The following EPHA5 variants were observed in gnomAD, a reference collection of about 807,000 sequenced individuals.
The protein encoded by EPHA5 is ephrin type-A receptor 5.
EPHA5 carries 60 observed loss-of-function variants against 105.0 expected under a neutral mutation model. The ratio of observed to expected loss-of-function variants is 0.57; its 90% CI spans 0.46 to 0.71. The LOEUF is 0.71. EPHA5 is among the 30% of genes least tolerant of loss of function. The pLI is 0.00. For missense variants in EPHA5, 1,218 were observed against 1,274.7 expected (o/e 0.96, Z 0.68); for synonymous variants, 513 against 449.1 (o/e 1.14, Z -1.80).
chr4:65,503,229 T>C (rs879827147), intron 3 of EPHA5, among the ~76,000 whole-genome samples: 3 of 151,740 alleles, frequency 2.0e-5, no homozygotes, highest in African/African-American at 7.3e-5. Flanking sequence ...ACGTAATATA[T>C]CCGTGTACCA....
At chr4:65,552,883 T>C (rs1738060359) in intron 3 of EPHA5, among the ~76,000 whole-genome samples, 1 of 152,114 alleles carries the variant, frequency 6.6e-6, no homozygotes, top group African/African-American at 2.4e-5. Context: ...ATAAGCAATA[T>C]GACATCAATA....
rs1731844326 is a variant in EPHA5 at position 65,495,543 on chromosome 4, A to G, written c.911T>C (p.Val304Ala). 3.1e-6 allele frequency: 5 copies of G among 1,607,044 alleles called. No individual in the cohort carries two copies. The highest frequency in any genetic ancestry group is 4.2e-6 in the Non-Finnish European group (5 of 1,177,340). ...GGCTTTGAAGAACCCAGGTCTGCAC[A>G]CTGTCAAAAGAAATAAGAGACTAAG... is the stretch of plus-strand genomic sequence containing the variant. Reference protein sequence around the residue: ...GYEEKNGTCQVCRPGFFKASP... With the variant: ...GYEEKNGTCQACRPGFFKASP... Residue 304 changes from valine (V) to alanine (A), a missense_variant and splice_region_variant, in exon 4 of 17, where the codon GTG becomes GCG. Physicochemically the swap from Val to Ala is moderately conservative, Grantham distance 64 (BLOSUM62 0). Transcript: ENST00000613740.
At chr4:65,624,977 A>G (rs559799883) in intron 2 of EPHA5, among the ~76,000 whole-genome samples, 124 of 152,322 alleles carry the variant, frequency 8.1e-4, no homozygotes, top group African/African-American at 2.8e-3. Context: ...AAATGTATTA[A>G]AAATAAAACA....
intron 3 of EPHA5, among the ~76,000 whole-genome samples, chr4:65,517,881 A>G (rs1472143045): frequency 6.6e-6 from 1 of 152,028 alleles, no homozygotes. Flanking sequence ...TATATAATTT[A>G]TAAACAGCAT....
At chr4:65,330,106 C>G (rs902617457) in intron 16 of EPHA5, among the ~76,000 whole-genome samples, 1 of 151,284 alleles carries the variant, frequency 6.6e-6, no homozygotes, top group Non-Finnish European at 1.5e-5. Flanking sequence ...GGAGCAGTTA[C>G]TATAGACAGA....
At chr4:65,450,829 A>G (rs1726991492) in intron 5 of EPHA5, among the ~76,000 whole-genome samples, 1 of 152,136 alleles carries the variant, frequency 6.6e-6, no homozygotes, top group Admixed American at 6.5e-5. Context: ...GAACCTCAAA[A>G]TAATTGTGGC....
chr4:65,480,083 C>G (rs920167915), intron 5 of EPHA5, among the ~76,000 whole-genome samples: 1 of 150,904 alleles, frequency 6.6e-6, no homozygotes, highest in Non-Finnish European at 1.5e-5. Context: ...ACAAAAAACA[C>G]AAGAATACAG....
At chr4:65,501,202 A>T (rs2149241182) in intron 3 of EPHA5, among the ~76,000 whole-genome samples, 1 of 151,706 alleles carries the variant, frequency 6.6e-6, no homozygotes, top group Non-Finnish European at 1.5e-5. Flanking sequence ...TGCTTATACC[A>T]AAATTTAACA....
chr4:65,596,399 C>T (rs1743189537), intron 3 of EPHA5, among the ~76,000 whole-genome samples: 2 of 151,914 alleles, frequency 1.3e-5, no homozygotes, highest in Non-Finnish European at 2.9e-5. Flanking sequence ...ATCCCCCTTC[C>T]CACCAACAAT....
intron 2 of EPHA5, among the ~76,000 whole-genome samples, chr4:65,621,700 C>T (rs1051024218): frequency 1.3e-5 from 2 of 152,020 alleles, no homozygotes; most frequent in Non-Finnish European, 2.9e-5. Context: ...GACAAAGACA[C>T]GAGTCCAAAT....
chr4:65,391,203 G>A (rs895097180), intron 8 of EPHA5, among the ~76,000 whole-genome samples: 1 of 151,964 alleles, frequency 6.6e-6, no homozygotes, highest in Non-Finnish European at 1.5e-5. Context: ...TGATTATGGG[G>A]ATTATAATTC....
intron 2 of EPHA5, among the ~76,000 whole-genome samples, chr4:65,617,047 G>A (rs1745304154): frequency 6.6e-6 from 1 of 151,900 alleles, no homozygotes; most frequent in Admixed American, 6.6e-5. Flanking sequence ...TTGTATTGTG[G>A]GATAACTCTT....
intron 11 of EPHA5, among the ~76,000 whole-genome samples, chr4:65,359,208 G>A (rs918474119): frequency 1.3e-5 from 2 of 151,436 alleles, no homozygotes; most frequent in African/African-American, 4.8e-5. Context: ...TAGTGTACGT[G>A]TATTTATTAA....
intron 3 of EPHA5, among the ~76,000 whole-genome samples, chr4:65,543,799 T>A (rs930630048): frequency 6.6e-6 from 1 of 151,674 alleles, no homozygotes; most frequent in Non-Finnish European, 1.5e-5. Flanking sequence ...AAGCCAGCGA[T>A]ATCACACTAC....
chr4:65,440,624 A>C (rs1196187082), intron 5 of EPHA5, among the ~76,000 whole-genome samples: 1 of 151,918 alleles, frequency 6.6e-6, no homozygotes, highest in East Asian at 1.9e-4. Context: ...TAAATAAGCT[A>C]ATTTTTTTGT....
intron 14 of EPHA5, among the ~76,000 whole-genome samples, chr4:65,341,940 C>G (rs6816054): frequency 6.6e-6 from 1 of 152,040 alleles, no homozygotes; most frequent in East Asian, 1.9e-4. Context: ...TCAGATATAT[C>G]AGTTTTATTC....
intron 5 of EPHA5, among the ~76,000 whole-genome samples, chr4:65,455,945 G>A (rs1005917994): frequency 1.2e-4 from 19 of 152,160 alleles, no homozygotes; most frequent in African/African-American, 3.4e-4. Flanking sequence ...ACATTTTATA[G>A]TTGTACATCT....
At chr4:65,474,489 C>A (rs1428084447) in intron 5 of EPHA5, among the ~76,000 whole-genome samples, 1 of 152,146 alleles carries the variant, frequency 6.6e-6, no homozygotes, top group Non-Finnish European at 1.5e-5. Flanking sequence ...CAGAACAGGT[C>A]ATATCCTCAG....
At chr4:65,541,290 T>G (rs1736806084) in intron 3 of EPHA5, among the ~76,000 whole-genome samples, 1 of 151,816 alleles carries the variant, frequency 6.6e-6, no homozygotes, top group Non-Finnish European at 1.5e-5. Flanking sequence ...ATGCCCCAAT[T>G]AAAAGACACA....
Sources: gnomAD v4.1 joint callset for allele counts (sites outside exome capture counted in the v4.1 genomes callset) on GRCh38, gnomAD v4.1.1 for gene constraint, MANE v1.5 for transcripts, NCBI Gene and HGNC (gene_info 2026-07-23, HGNC 2026-07-21) for gene names.